DNAAF5: variants seen among roughly 807,000 people sequenced by gnomAD.
The protein encoded by DNAAF5 is dynein axonemal assembly factor 5, also known as HEAT repeat containing 2.
DNAAF5 carries 64 observed loss-of-function variants against 75.8 expected under a neutral mutation model. That is an observed-to-expected ratio of 0.84 (90% CI 0.69 to 1.04). The LOEUF is 1.04. DNAAF5 is among the 50% of genes least tolerant of loss of function. The pLI, the probability that DNAAF5 is intolerant of heterozygous loss-of-function variation, is 0.00. For synonymous variants in DNAAF5, 657 were observed against 557.2 expected, an observed-to-expected ratio of 1.18 and a Z score of -2.52; for missense variants, 1,269 against 1,178.5, an observed-to-expected ratio of 1.08 and a Z score of -1.12.
chr7:783,527 C>T (rs776108966), intron 12 of DNAAF5, among the ~76,000 whole-genome samples: 1 of 152,162 alleles, frequency 6.6e-6, no homozygotes. Flanking sequence ...TGCCTTGAGT[C>T]GTGGAATCAG....
intron 12 of DNAAF5, among the ~76,000 whole-genome samples, chr7:782,547 G>A (rs1394511003): frequency 1.5e-5 from 2 of 137,752 alleles, no homozygotes; most frequent in African/African-American, 2.9e-5. Context: ...TGGTGTGGCC[G>A]CCTCCCGTCA....
In DNAAF5 at chr7:754,831, C is replaced by T. The variant is rs761553350; in HGVS notation, c.1257+10C>T. On this transcript the variant is annotated intron_variant, in intron 5 of 12. Transcript: ENST00000297440. This position sits in a 1 kb window ranked among gnomAD's most constrained non-coding sequence, Gnocchi z 4.8. ...AGCCGTGGTCCAAAGTGTAAGTGGCCGTATTCCAGTCGTGGTCGCGGAGCT... is the reference window on the plus strand; with the variant it reads ...AGCCGTGGTCCAAAGTGTAAGTGGCTGTATTCCAGTCGTGGTCGCGGAGCT... 3.8e-6 allele frequency: 6 copies of T among 1,586,334 alleles called. No individual in the cohort carries two copies. Among genetic ancestry groups the T allele is most frequent in the South Asian group, 3.4e-5 (3 of 89,384 alleles).
chr7:765,367 G>T (rs570023123), intron 8 of DNAAF5, among the ~76,000 whole-genome samples: 1 of 152,278 alleles, frequency 6.6e-6, no homozygotes, highest in Admixed American at 6.5e-5. Flanking sequence ...GGGGCCCAGG[G>T]TGTTGCATTT....
chr7:781,589 C>T (rs1175905243), intron 12 of DNAAF5, among the ~76,000 whole-genome samples: 2 of 141,604 alleles, frequency 1.4e-5, no homozygotes, highest in African/African-American at 2.5e-5. Context: ...GAGGGACCTC[C>T]AGACTGTTCT....
rs114116207 is a variant in DNAAF5, at chr7:777,069, C to T, written c.2239+1907C>T. Among the ~76,000 whole-genome samples the T allele has an allele frequency of 9.3e-3, 1,418 of 152,264 alleles. 16 individuals carry two copies. The highest frequency in any genetic ancestry group is 0.034 in the Middle Eastern group (10 of 294). ...GTCTCCCATCGTCCCCACATGGGACCGTCTAGTTGCAGGAAAACAAGCTCA... is the reference window on the plus strand; with the variant it reads ...GTCTCCCATCGTCCCCACATGGGACTGTCTAGTTGCAGGAAAACAAGCTCA... On this transcript the variant is annotated intron_variant, in intron 11 of 12. Transcript: ENST00000297440.
intron 1 of DNAAF5, among the ~76,000 whole-genome samples, chr7:728,427 G>T (rs1183427817): frequency 6.6e-6 from 1 of 152,206 alleles, no homozygotes; most frequent in African/African-American, 2.4e-5. Flanking sequence ...GTTGTTAAAA[G>T]ATCACTGCAG....
At chr7:756,670 C>A in intron 5 of DNAAF5, 112 bp from the exon 6 acceptor site, 1 of 922,554 alleles carries the variant, frequency 1.1e-6, no homozygotes, top group Non-Finnish European at 1.7e-6. Context: ...CTGCCTAACA[C>A]GGGGCTCTGT....
At position 754,960 on chromosome 7, in the gene DNAAF5, A is replaced by C. The variant is rs1782438492; in HGVS notation, c.1257+139A>C. 6.3e-6 allele frequency: 4 copies of C among 632,952 alleles called. No individual in the cohort carries two copies. The highest frequency in any genetic ancestry group is 2.1e-5 in the South Asian group (1 of 47,998). 39.2% of individuals were successfully genotyped at this position (632,952 alleles called of 1,614,324 possible). On this transcript the variant is annotated intron_variant, in intron 5 of 12. Transcript: ENST00000297440. This position sits in a 1 kb window ranked among gnomAD's most constrained non-coding sequence, Gnocchi z 4.8. ...CCCCCGGGCCGCAGGCCCTCCCCAC[A>C]CCCAGCCCCTGGGAACAACTGATCT...
chr7:763,331 C>T (rs1179453587), intron 7 of DNAAF5, among the ~76,000 whole-genome samples: 1 of 152,178 alleles, frequency 6.6e-6, no homozygotes, highest in Non-Finnish European at 1.5e-5. Flanking sequence ...TGTTCCTAAG[C>T]CCCCAAGGAG....
At chr7:729,988 G>A (rs549226518) in intron 2 of DNAAF5, 141 bp downstream of exon 2, 94 of 782,738 alleles carry the variant, frequency 1.2e-4, no homozygotes, top group Non-Finnish European at 6.7e-5. Flanking sequence ...GTCACAGGAC[G>A]TTCCTGTTCA....
intron 1 of DNAAF5, chr7:727,544 A>G (rs1432123434): frequency 1.3e-5 from 3 of 237,892 alleles, no homozygotes; most frequent in Non-Finnish European, 2.3e-5. Context: ...ACGTCCCGCC[A>G]CCAACGCGCC....
chr7:763,778 G>A (rs1430984690), intron 7 of DNAAF5, 28 bp from the exon 8 acceptor site: 7 of 1,610,804 alleles, frequency 4.3e-6, no homozygotes, highest in Non-Finnish European at 5.9e-6. Context: ...TGTTGGAATT[G>A]TCTCAGTCTC....
At chr7:783,876 G>C (rs1340699553) in intron 12 of DNAAF5, among the ~76,000 whole-genome samples, 1 of 152,120 alleles carries the variant, frequency 6.6e-6, no homozygotes, top group Non-Finnish European at 1.5e-5. Context: ...GGAGACCAGT[G>C]CCCCTGTGCA....
intron 8 of DNAAF5, chr7:769,013 G>A (rs1778457560): frequency 3.3e-6 from 2 of 612,078 alleles, no homozygotes; most frequent in Non-Finnish European, 6.0e-6. Flanking sequence ...GCCCGGCTGC[G>A]TGGGGAGGCC....
intron 8 of DNAAF5, among the ~76,000 whole-genome samples, chr7:768,263 G>C (rs1562394921): frequency 6.6e-6 from 1 of 150,724 alleles, no homozygotes; most frequent in South Asian, 2.1e-4. Context: ...GCGAGGAGGA[G>C]CTAGCGCTGG....
chr7:774,944 G>A (rs1778707524), intron 10 of DNAAF5, 62 bp from the exon 11 acceptor site: 1 of 1,526,198 alleles, frequency 6.6e-7, no homozygotes, highest in Non-Finnish European at 9.1e-7. Context: ...CACGGATGGT[G>A]AGCACCCCCA....
intron 4 of DNAAF5, among the ~76,000 whole-genome samples, chr7:747,634 G>A (rs1782164953): frequency 6.6e-6 from 1 of 150,630 alleles, no homozygotes; most frequent in Admixed American, 6.6e-5. Flanking sequence ...TTGGTGTGCA[G>A]TGGTGGCCCA....
At position 770,506 on chromosome 7, in the gene DNAAF5, C is replaced by T. The variant is rs1438889692; in HGVS notation, c.1819C>T (p.Pro607Ser). The T allele has an allele frequency of 3.1e-6, 5 of 1,613,768 alleles. No individual in the cohort carries two copies. The South Asian group carries it at 3.3e-5, about 11-fold the overall frequency. The change falls in exon 9 of 13, where the codon CCC becomes TCC. Residue 607 changes from proline (P) to serine (S), a missense_variant. Pro to Ser is a moderately conservative substitution (Grantham distance 74). Coordinates refer to ENST00000297440, the MANE Select transcript of DNAAF5 (RefSeq NM_017802.4). ...ALGEALPHVV[P>S]TLRACLQPSQ... ...GGGAGAAGCCCTGCCACACGTCGTGCCCACGCTGAGGGCCTGTCTGCAGCC... is the reference window on the plus strand; with the variant it reads ...GGGAGAAGCCCTGCCACACGTCGTGTCCACGCTGAGGGCCTGTCTGCAGCC...
At position 785,921 on chromosome 7, in the gene DNAAF5, C is replaced by T. The variant is rs1779132911; in HGVS notation, c.*268C>T. ...AAGTAAGTCGCAGCCGCTCCTCCCG[C>T]AGCCACTTCAGCAGCATCTTAGATT... On this transcript the variant is annotated 3_prime_UTR_variant, in exon 13 of 13. Transcript: ENST00000297440. 2 of 409,394 alleles carry T rather than the reference C, an allele frequency of 4.9e-6. No individual in the cohort carries two copies. Among genetic ancestry groups the T allele is most frequent in the African/African-American group, 4.1e-5 (2 of 49,098 alleles). The allele number at this position is 409,394 out of a possible 1,614,324, so 25.4% of individuals were successfully genotyped here.
Sources: gnomAD v4.1 joint callset for allele counts (sites outside exome capture counted in the v4.1 genomes callset) on GRCh38, gnomAD v4.1.1 for gene constraint, Gnocchi (gnomAD v3.1) non-coding constraint, MANE v1.5 for transcripts, NCBI Gene and HGNC (gene_info 2026-07-23, HGNC 2026-07-21) for gene names.